Variants in RTKN2 observed in about 807,000 individuals in gnomAD.
The protein encoded by RTKN2 is rhotekin-2.
In RTKN2, 69 loss-of-function variants were observed where a neutral mutation model predicts 71.5. That is an observed-to-expected ratio of 0.96 (90% CI 0.79 to 1.18). The LOEUF (loss-of-function observed/expected upper bound fraction) is 1.18, where lower values mean the gene tolerates loss of function less well. Among genes scored for constraint, RTKN2 ranks in the 50% most tolerant of loss-of-function variants. The pLI is 0.00. For synonymous variants in RTKN2, 236 were observed against 236.5 expected, an observed-to-expected ratio of 1.00 and a Z score of 0.02; for missense variants, 724 against 719.7, an observed-to-expected ratio of 1.01 and a Z score of -0.07.
At chr10:62,211,488 G>A (rs1841656928) in intron 9 of RTKN2, among the ~76,000 whole-genome samples, 1 of 152,188 alleles carries the variant, frequency 6.6e-6, no homozygotes, top group East Asian at 1.9e-4. Flanking sequence ...CTTAGCAATT[G>A]TGAAATTTAT....
chr10:62,224,442 TTA>T (rs1291242996), intron 6 of RTKN2, among the ~76,000 whole-genome samples: 1 of 152,190 alleles, frequency 6.6e-6, no homozygotes, highest in Non-Finnish European at 1.5e-5. Flanking sequence ...ATTATTTGTT[TTA>T]ATTCACACAA....
At position 62,198,283 on chromosome 10, in the gene RTKN2, C is replaced by G; in HGVS notation, c.1455G>C (p.Lys485Asn). ...ATGGCTCACTTGCAGGATACAGTACCTTTTTCTGGATGACCATTTGATGGT... is the reference window on the plus strand; with the variant it reads ...ATGGCTCACTTGCAGGATACAGTACGTTTTTCTGGATGACCATTTGATGGT... ...DGNHQMVIQK[K>N]VLYPASEPLH... Residue 485 changes from lysine (K) to asparagine (N), a missense_variant, in exon 12 of 12, where the codon AAG becomes AAC. Lys to Asn is a moderately conservative substitution (Grantham distance 94). Coordinates refer to ENST00000373789, the MANE Select transcript of RTKN2 (RefSeq NM_145307.4). The G allele has an allele frequency of 6.2e-7, 1 of 1,613,848 alleles. No individual in the cohort carries two copies. The highest frequency in any genetic ancestry group is 1.3e-5 in the African/African-American group (1 of 74,972).
In RTKN2 at chr10:62,195,733, T is replaced by C; in HGVS notation, c.*2175A>G. 8 of 985,192 alleles carry C rather than the reference T, an allele frequency of 8.1e-6. No individual in the cohort carries two copies. The highest frequency in any genetic ancestry group is 9.6e-6 in the Non-Finnish European group (8 of 829,892). 61.0% of individuals were successfully genotyped at this position (985,192 alleles called of 1,614,324 possible). On this transcript the variant is annotated 3_prime_UTR_variant, in exon 12 of 12. Coordinates refer to ENST00000373789, the MANE Select transcript of RTKN2 (RefSeq NM_145307.4). ...AGGGGTAAATTAGCATTTCAGGAGCTGAAGACACCAGACCCATTTCAAAGA... is the reference window on the plus strand; with the variant it reads ...AGGGGTAAATTAGCATTTCAGGAGCCGAAGACACCAGACCCATTTCAAAGA...
chr10:62,211,977 C>G (rs1451028790), intron 9 of RTKN2, among the ~76,000 whole-genome samples: 3 of 152,070 alleles, frequency 2.0e-5, no homozygotes, highest in Non-Finnish European at 2.9e-5. Context: ...GAACACTATT[C>G]TTAAAAGTTT....
chr10:62,238,495 T>C (rs1249547140), intron 5 of RTKN2: 1 of 151,896 alleles, frequency 6.6e-6, no homozygotes, highest in Non-Finnish European at 1.5e-5. Context: ...AAAGGGCCCA[T>C]CAACTGGTAA....
chr10:62,223,157 G>A lies in RTKN2; in HGVS notation c.781+81C>T, dbSNP rs187847946. ...CACTCATGTCTCCATTATTTAAGCC[G>A]ATATCCACTTGAGGGGAACATACTA... On this transcript the variant is annotated intron_variant, in intron 7 of 11. Transcript: ENST00000373789. 587 of 727,350 alleles carry A rather than the reference G, an allele frequency of 8.1e-4. 2 individuals carry two copies. The highest frequency in any genetic ancestry group is 7.7e-5 in the Non-Finnish European group (33 of 427,996). The allele number at this position is 727,350 out of a possible 1,614,324, so 45.1% of individuals were successfully genotyped here.
At chr10:62,218,146 G>T in intron 8 of RTKN2, 49 bp downstream of exon 8, 1 of 1,195,618 alleles carries the variant, frequency 8.4e-7, no homozygotes, top group Non-Finnish European at 1.2e-6. Context: ...TGTATATTAA[G>T]ATTTAAAGTA....
chr10:62,217,610 A>G (rs965634198), intron 8 of RTKN2, among the ~76,000 whole-genome samples: 2 of 152,228 alleles, frequency 1.3e-5, no homozygotes, highest in Admixed American at 6.5e-5. Context: ...TATAAAAACA[A>G]TTCTGTATGT....
intron 5 of RTKN2, chr10:62,238,221 T>C (rs753262210): frequency 6.6e-6 from 1 of 151,984 alleles, no homozygotes; most frequent in Non-Finnish European, 1.5e-5. Flanking sequence ...GACTAACAAA[T>C]GTCAATATTT....
chr10:62,248,522 T>C (rs993104175), intron 2 of RTKN2, among the ~76,000 whole-genome samples: 1 of 152,092 alleles, frequency 6.6e-6, no homozygotes, highest in Non-Finnish European at 1.5e-5. Context: ...AAATAGCAAA[T>C]AACCACAAAA....
intron 10 of RTKN2, among the ~76,000 whole-genome samples, chr10:62,200,875 G>GA (rs1033735110): frequency 6.6e-6 from 1 of 151,882 alleles, no homozygotes; most frequent in Non-Finnish European, 1.5e-5. Context: ...TTTGGAATAA[G>GA]AAAAAAATAG....
chr10:62,228,810 G>C (rs536562436), intron 6 of RTKN2, among the ~76,000 whole-genome samples: 1 of 152,238 alleles, frequency 6.6e-6, no homozygotes, highest in African/African-American at 2.4e-5. Context: ...GGGTAGGCTG[G>C]CAGATTTGGT....
chr10:62,185,656 G>C (rs1841124233), intron 8 of RTKN2, among the ~76,000 whole-genome samples: 2 of 152,104 alleles, frequency 1.3e-5, no homozygotes, highest in African/African-American at 4.8e-5. Context: ...CATTGACTCA[G>C]TTTCAAATCA....
chr10:62,196,829 T>C lies in RTKN2; in HGVS notation c.*1079A>G, dbSNP rs1841341516. 3 of 977,600 alleles carry C rather than the reference T, an allele frequency of 3.1e-6. No homozygotes were observed. Among genetic ancestry groups the C allele is most frequent in the South Asian group, 9.5e-5 (2 of 21,102 alleles). The allele number at this position is 977,600 out of a possible 1,614,324, so 60.6% of individuals were successfully genotyped here. The stretch of plus-strand genomic sequence containing the variant: ...TTATAAAAAATGGATTTTTTGTTCC[T>C]TTAAGGTATTTTTCTGCTATTTATT... On this transcript the variant is annotated 3_prime_UTR_variant, in exon 12 of 12. Transcript: ENST00000373789.
In RTKN2 at chr10:62,221,763, C is replaced by T. The variant is rs781033659; in HGVS notation, c.781+1475G>A. On this transcript the variant is annotated intron_variant, in intron 7 of 11. Transcript: ENST00000373789. ...AAATAATTAGCAAATATGGAACACA[C>T]GGGTGAATAAAACTGACTAATCTAT... Among the ~76,000 whole-genome samples, 7 of 151,868 alleles carry T rather than the reference C, an allele frequency of 4.6e-5. No individual in the cohort carries two copies. In the East Asian group the frequency reaches 5.8e-4, roughly 13 times the overall value.
At chr10:62,253,580 GT>G (rs950990807) in intron 2 of RTKN2, among the ~76,000 whole-genome samples, 1 of 151,952 alleles carries the variant, frequency 6.6e-6, no homozygotes, top group African/African-American at 2.4e-5. Context: ...ACCATATTAA[GT>G]CATAAAGAAA....
downstream of RTKN2, among the ~76,000 whole-genome samples, chr10:62,193,002 C>T (rs984195383): frequency 1.3e-5 from 2 of 152,094 alleles, no homozygotes; most frequent in Non-Finnish European, 2.9e-5. Context: ...ATAAAACACA[C>T]ATTTTAATAT....
chr10:62,203,235 C>T (rs965109372), intron 10 of RTKN2, among the ~76,000 whole-genome samples: 4 of 152,094 alleles, frequency 2.6e-5, no homozygotes, highest in South Asian at 2.1e-4. Context: ...ATTTATAAGA[C>T]GGATTCTCTA....
intron 1 of RTKN2, among the ~76,000 whole-genome samples, chr10:62,265,324 G>C (rs1027065603): frequency 6.6e-6 from 1 of 152,138 alleles, no homozygotes; most frequent in Non-Finnish European, 1.5e-5. Context: ...TAAGCTACAA[G>C]GGCAGAGTTG....
Sources: gnomAD v4.1 joint callset for allele counts (sites outside exome capture counted in the v4.1 genomes callset) on GRCh38, gnomAD v4.1.1 for gene constraint, MANE v1.5 for transcripts, NCBI Gene and HGNC (gene_info 2026-07-23, HGNC 2026-07-21) for gene names.